Variants in NAV2 observed in about 807,000 individuals in gnomAD.
The protein encoded by NAV2 is helicase, APC down-regulated 1.
Under a neutral mutation model 223.2 loss-of-function variants are expected in NAV2, and 54 were observed. The observed-to-expected ratio is 0.24, with a 90% CI of 0.19 to 0.30. The LOEUF is 0.30. NAV2 is among the 10% of genes least tolerant of loss of function. The probability of loss-of-function intolerance (pLI) is 1.00; values close to 1 mark genes in which losing one functional copy is unlikely to be tolerated. For synonymous variants in NAV2, 1,279 were observed against 1,239.3 expected (o/e 1.03, Z -0.67); for missense variants, 2,806 against 3,147.5 (o/e 0.89, Z 2.60).
chr11:19,525,561 G>A (rs1343390355), intron 1 of NAV2, among the ~76,000 whole-genome samples: 1 of 152,194 alleles, frequency 6.6e-6, no homozygotes, highest in Non-Finnish European at 1.5e-5. Context: ...AGGGGAAGAA[G>A]GTTAGAAGGC....
At chr11:19,652,258 G>A (rs546933439) in intron 1 of NAV2, among the ~76,000 whole-genome samples, 4 of 152,198 alleles carry the variant, frequency 2.6e-5, no homozygotes, top group Admixed American at 1.3e-4. Context: ...AAGTGTCCTC[G>A]GGACCATCCT....
chr11:19,530,736 C>T (rs1251322954), intron 1 of NAV2, among the ~76,000 whole-genome samples: 1 of 152,234 alleles, frequency 6.6e-6, no homozygotes, highest in Non-Finnish European at 1.5e-5. Context: ...AAACCAAGCA[C>T]CTGCTATGTG....
chr11:19,541,615 G>A (rs2044345221), intron 1 of NAV2, among the ~76,000 whole-genome samples: 1 of 152,164 alleles, frequency 6.6e-6, no homozygotes, highest in Non-Finnish European at 1.5e-5. Flanking sequence ...CACAGCTGAG[G>A]CCCCTTATCT....
chr11:20,081,747 G>T (rs1379637831), intron 25 of NAV2, among the ~76,000 whole-genome samples: 4 of 152,086 alleles, frequency 2.6e-5, no homozygotes, highest in Non-Finnish European at 5.9e-5. Context: ...TTTTAGAATG[G>T]CCTGTTTTCT....
intron 9 of NAV2, among the ~76,000 whole-genome samples, chr11:19,948,174 C>T (rs918789235): frequency 6.6e-6 from 1 of 152,118 alleles, no homozygotes; most frequent in Non-Finnish European, 1.5e-5. Context: ...CAACCTCAGC[C>T]TCCTGGGTTC....
chr11:20,113,876 T>C (rs531526396), intron 36 of NAV2, among the ~76,000 whole-genome samples: 1 of 152,112 alleles, frequency 6.6e-6, no homozygotes, highest in Non-Finnish European at 1.5e-5. Context: ...TAGCCAGACA[T>C]GGTGGCACAC....
intron 1 of NAV2, among the ~76,000 whole-genome samples, chr11:19,490,477 A>G (rs2042588832): frequency 6.6e-6 from 1 of 152,244 alleles, no homozygotes; most frequent in Non-Finnish European, 1.5e-5. Flanking sequence ...CATCTTCACC[A>G]GGAATAGATT....
rs115306141 is a variant in NAV2, at chr11:19,490,815, T to G, written c.75+139788T>G. Among the ~76,000 whole-genome samples, 756 of 152,352 alleles carry G rather than the reference T, an allele frequency of 5.0e-3. 8 individuals carry two copies. Among genetic ancestry groups the G allele is most frequent in the African/African-American group, 0.017 (712 of 41,588 alleles). On this transcript the variant is annotated intron_variant, in intron 1 of 37. Coordinates refer to the NAV2 transcript ENST00000360655. ...TTTCAATTTACTTTGCTCAGCTCCA[T>G]ATGAGAAATCATAATCCATGGCAGT... is the stretch of plus-strand genomic sequence containing the variant.
rs117525441 is a variant in NAV2, at chr11:20,120,647, A to T, written c.*2389A>T. 0.033 allele frequency: 4,241 copies of T among 127,758 alleles called. 76 individuals carry two copies. The highest frequency in any genetic ancestry group is 0.046 in the Non-Finnish European group (2,933 of 64,306). 7.9% of individuals were successfully genotyped at this position (127,758 alleles called of 1,614,324 possible). A position where few individuals can be genotyped will look rare whatever the true frequency, so the allele number is the denominator to read the frequency against. ...CATTCTCTTCTCCCCTTTCCCACAG[A>T]CTTCCCTCCTGGGTCCAGGTTCAGA... is the stretch of plus-strand genomic sequence containing the variant. On this transcript the variant is annotated 3_prime_UTR_variant, in exon 38 of 38. Coordinates refer to ENST00000349880, the MANE Select transcript of NAV2 (RefSeq NM_145117.5).
chr11:19,548,777 T>A (rs1485710755), intron 1 of NAV2, among the ~76,000 whole-genome samples: 1 of 144,652 alleles, frequency 6.9e-6, no homozygotes, highest in African/African-American at 2.5e-5. Context: ...ACTCGGGAGG[T>A]TGAGGCAGGA....
chr11:19,762,552 C>T (rs1565273015), intron 1 of NAV2, among the ~76,000 whole-genome samples: 1 of 152,048 alleles, frequency 6.6e-6, no homozygotes, highest in Non-Finnish European at 1.5e-5. Flanking sequence ...CCTCCATGAG[C>T]CTTGGCCTCA....
At chr11:19,997,252 C>T (rs2051994571) in intron 11 of NAV2, among the ~76,000 whole-genome samples, 1 of 152,138 alleles carries the variant, frequency 6.6e-6, no homozygotes, top group Non-Finnish European at 1.5e-5. Flanking sequence ...GTGCCCTACA[C>T]CTAACCAGAA....
Position 20,120,707 on chromosome 11 carries a change from T to C in NAV2, c.*2449T>C, listed in dbSNP as rs1043929369. ...TCTGTACCTAGTGCTGCCTGATTGG[T>C]GAACATTGACTTCAAGTAGCATAGC... On this transcript the variant is annotated 3_prime_UTR_variant, in exon 38 of 38. Transcript: ENST00000349880. The C allele has an allele frequency of 1.3e-5, 2 of 152,494 alleles. No individual in the cohort carries two copies. Among genetic ancestry groups the C allele is most frequent in the African/African-American group, 4.8e-5 (2 of 41,440 alleles). The allele number at this position is 152,494 out of a possible 1,614,324, so 9.4% of individuals were successfully genotyped here.
intron 1 of NAV2, among the ~76,000 whole-genome samples, chr11:19,423,241 T>A (rs2133518141): frequency 6.6e-6 from 1 of 152,376 alleles, no homozygotes; most frequent in South Asian, 2.1e-4. Context: ...ACAGTGACAG[T>A]GTCTACCTTA....
chr11:19,701,843 G>A (rs554636024), intron 1 of NAV2, among the ~76,000 whole-genome samples: 21 of 152,308 alleles, frequency 1.4e-4, no homozygotes, highest in Middle Eastern at 6.8e-3. Flanking sequence ...GAGAGGGAAC[G>A]GAAATCAATG....
chr11:19,823,167 C>T (rs1240555831), intron 1 of NAV2, among the ~76,000 whole-genome samples: 1 of 152,154 alleles, frequency 6.6e-6, no homozygotes, highest in Non-Finnish European at 1.5e-5. Context: ...GCCTCAGCCT[C>T]TTGAGTAGCT....
chr11:19,822,810 G>C (rs934014254), intron 1 of NAV2, among the ~76,000 whole-genome samples: 2 of 152,158 alleles, frequency 1.3e-5, no homozygotes, highest in African/African-American at 4.8e-5. Context: ...GCAAAGGCTG[G>C]CAATACAATT....
intron 11 of NAV2, among the ~76,000 whole-genome samples, chr11:20,031,073 T>C (rs1193349096): frequency 6.6e-6 from 1 of 152,118 alleles, no homozygotes; most frequent in Non-Finnish European, 1.5e-5. Flanking sequence ...CATCATATGG[T>C]TTTTCTCCGA....
intron 3 of NAV2, 96 bp from the exon 4 acceptor site, chr11:19,868,829 T>C: frequency 7.8e-7 from 1 of 1,279,538 alleles, no homozygotes; most frequent in South Asian, 1.3e-5. Flanking sequence ...CATCGGCCGT[T>C]TTTACAGCAT....
Sources: gnomAD v4.1 joint callset for allele counts (sites outside exome capture counted in the v4.1 genomes callset) on GRCh38, gnomAD v4.1.1 for gene constraint, MANE v1.5 for transcripts, NCBI Gene and HGNC (gene_info 2026-07-23, HGNC 2026-07-21) for gene names.